Variants in PALM2AKAP2 observed in about 807,000 individuals in gnomAD.
The protein encoded by PALM2AKAP2 is PALM2 and AKAP2 fusion.
In PALM2AKAP2, 37 loss-of-function variants were observed where a neutral mutation model predicts 71.5. The ratio of observed to expected loss-of-function variants is 0.52; its 90% CI spans 0.40 to 0.68. The LOEUF is 0.68. Among genes scored for constraint, PALM2AKAP2 ranks in the 30% least tolerant of loss-of-function variants. The pLI is 0.00. For synonymous variants in PALM2AKAP2, 468 were observed against 478.8 expected, an observed-to-expected ratio of 0.98 and a Z score of 0.29; for missense variants, 1,224 against 1,191.8, an observed-to-expected ratio of 1.03 and a Z score of -0.40.
At chr9:109,696,312 G>T (rs1355766695) in intron 1 of PALM2AKAP2, among the ~76,000 whole-genome samples, 1 of 152,140 alleles carries the variant, frequency 6.6e-6, no homozygotes, top group Non-Finnish European at 1.5e-5. Flanking sequence ...CATTGAAATG[G>T]AAATAAAAAT....
At chr9:109,968,511 A>T (rs528731046) in intron 6 of PALM2AKAP2, among the ~76,000 whole-genome samples, 28 of 152,184 alleles carry the variant, frequency 1.8e-4, no homozygotes, top group Non-Finnish European at 3.7e-4. Context: ...AACAGGAAAC[A>T]GTACTCTCCC....
intron 1 of PALM2AKAP2, among the ~76,000 whole-genome samples, chr9:109,836,645 A>G (rs1055997795): frequency 1.3e-5 from 2 of 152,228 alleles, no homozygotes; most frequent in Admixed American, 6.5e-5. Flanking sequence ...AGATTAGACA[A>G]ATGGCTAACT....
intron 1 of PALM2AKAP2, among the ~76,000 whole-genome samples, chr9:109,853,851 T>G (rs1829084088): frequency 6.6e-6 from 1 of 152,180 alleles, no homozygotes; most frequent in Admixed American, 6.5e-5. Context: ...AAAGCTGAGC[T>G]CTGCTGTTTG....
intron 1 of PALM2AKAP2, among the ~76,000 whole-genome samples, chr9:109,759,731 A>G (rs1010756220): frequency 2.0e-5 from 3 of 152,094 alleles, no homozygotes; most frequent in African/African-American, 7.2e-5. Context: ...TTCCCAGAGA[A>G]CTTTGTACCT....
At chr9:109,895,984 G>C (rs1020383193) in intron 3 of PALM2AKAP2, among the ~76,000 whole-genome samples, 5 of 152,232 alleles carry the variant, frequency 3.3e-5, no homozygotes, top group South Asian at 2.1e-4. Flanking sequence ...AGGAGTTTGA[G>C]ACCAGCTTGG....
chr9:109,671,792 C>T (rs991437448), intron 1 of PALM2AKAP2, among the ~76,000 whole-genome samples: 7 of 151,970 alleles, frequency 4.6e-5, no homozygotes, highest in African/African-American at 1.7e-4. Context: ...TGTAGTTCTC[C>T]TTGTAGAGAT....
At chr9:109,781,198 G>C (rs1829442819) in intron 1 of PALM2AKAP2, among the ~76,000 whole-genome samples, 1 of 152,146 alleles carries the variant, frequency 6.6e-6, no homozygotes, top group South Asian at 2.1e-4. Flanking sequence ...GGCAAAGTTC[G>C]TAGGCACTTT....
intron 6 of PALM2AKAP2, among the ~76,000 whole-genome samples, chr9:110,015,277 A>G (rs1234210615): frequency 6.6e-6 from 1 of 152,160 alleles, no homozygotes; most frequent in African/African-American, 2.4e-5. Flanking sequence ...AATGAGTCTC[A>G]ATATGAGGCC....
intron 3 of PALM2AKAP2, among the ~76,000 whole-genome samples, chr9:109,917,869 C>T (rs756049320): frequency 2.8e-4 from 43 of 152,176 alleles, no homozygotes; most frequent in Non-Finnish European, 5.1e-4. Context: ...CCAGAGCTGT[C>T]CCATGGCCAG....
intron 1 of PALM2AKAP2, among the ~76,000 whole-genome samples, chr9:109,836,042 A>T (rs1408313617): frequency 6.6e-6 from 1 of 152,246 alleles, no homozygotes; most frequent in Admixed American, 6.5e-5. Flanking sequence ...TGGTTCTCCC[A>T]GCATGGAGTT....
intron 2 of PALM2AKAP2, among the ~76,000 whole-genome samples, chr9:109,870,454 T>C (rs532954614): frequency 6.6e-6 from 1 of 152,350 alleles, no homozygotes; most frequent in South Asian, 2.1e-4. Context: ...AGTTTTCTCC[T>C]GGTAGCCTGT....
intron 1 of PALM2AKAP2, among the ~76,000 whole-genome samples, chr9:109,687,847 G>A (rs371662383): frequency 2.0e-5 from 3 of 152,174 alleles, no homozygotes; most frequent in African/African-American, 4.8e-5. Flanking sequence ...TTCAAAATGA[G>A]GGATGTTGTG....
chr9:109,938,661 A>G (rs545256656), intron 6 of PALM2AKAP2, among the ~76,000 whole-genome samples: 1 of 152,342 alleles, frequency 6.6e-6, no homozygotes, highest in South Asian at 2.1e-4. Flanking sequence ...TTAAAGAACT[A>G]CAGCTTAAAA....
chr9:110,135,288 A>G (rs1588128413), intron 1 of PALM2AKAP2, among the ~76,000 whole-genome samples: 1 of 129,836 alleles, frequency 7.7e-6, no homozygotes. Context: ...CCACAGAGCA[A>G]AATCCCATCT....
intron 1 of PALM2AKAP2, among the ~76,000 whole-genome samples, chr9:109,670,735 A>G (rs1301553561): frequency 1.3e-5 from 2 of 152,190 alleles, no homozygotes; most frequent in African/African-American, 2.4e-5. Context: ...CACTTCCACC[A>G]ACAATGTATA....
exon 2 of PALM2AKAP2, chr9:110,136,584 A>C: frequency 6.2e-7 from 1 of 1,613,698 alleles, no homozygotes; most frequent in Non-Finnish European, 8.5e-7. Context: ...CCTCACATCG[A>C]GCTCAGTAAT....
At chr9:109,928,495 A>G (rs1831007551) in intron 5 of PALM2AKAP2, among the ~76,000 whole-genome samples, 2 of 152,184 alleles carry the variant, frequency 1.3e-5, no homozygotes, top group Non-Finnish European at 2.9e-5. Flanking sequence ...AATTGAGGCC[A>G]CCTGAAGAAG....
In PALM2AKAP2 at chr9:109,896,257, G is replaced by A. The variant is rs371057548; in HGVS notation, c.257+15576G>A. ...CTCACTATCACGAGAACAGTATGAG[G>A]GTAACCACTCCCATGATTCAATTAC... is the stretch of plus-strand genomic sequence containing the variant. On this transcript the variant is annotated intron_variant, in intron 3 of 9. Coordinates refer to the PALM2AKAP2 transcript ENST00000302798. 5.7e-4 allele frequency among the ~76,000 whole-genome samples: 86 copies of A among 152,164 alleles called. 1 individual carries two copies. The highest frequency in any genetic ancestry group is 3.5e-3 in the South Asian group (17 of 4,826).
At chr9:109,960,548 C>T (rs1382809964) in intron 6 of PALM2AKAP2, among the ~76,000 whole-genome samples, 1 of 152,098 alleles carries the variant, frequency 6.6e-6, no homozygotes, top group African/African-American at 2.4e-5. Context: ...GAGGCTGAGG[C>T]AGGAGGATTG....
Sources: gnomAD v4.1 joint callset for allele counts (sites outside exome capture counted in the v4.1 genomes callset) on GRCh38, gnomAD v4.1.1 for gene constraint, MANE v1.5 for transcripts, NCBI Gene and HGNC (gene_info 2026-07-23, HGNC 2026-07-21) for gene names.